The following LINGO2 variants were observed in gnomAD, a reference collection of about 807,000 sequenced individuals.
LINGO2 encodes the protein leucine-rich repeat and immunoglobulin-like domain-containing nogo receptor-interacting protein 2.
A neutral mutation model predicts 30.6 loss-of-function variants in LINGO2; 14 were observed. That is an observed-to-expected ratio of 0.46 (90% CI 0.30 to 0.72). The LOEUF is 0.72. Among genes scored for constraint, LINGO2 ranks in the 30% least tolerant of loss-of-function variants. The probability of loss-of-function intolerance (pLI) is 0.07; values close to 1 mark genes in which losing one functional copy is unlikely to be tolerated. For missense variants in LINGO2, 729 were observed against 751.7 expected (o/e 0.97, Z 0.35); for synonymous variants, 317 against 288.5 (o/e 1.10, Z -1.00).
chr9:29,048,924 T>C, the LINGO2 span, among the ~76,000 whole-genome samples: 1 of 152,046 alleles, frequency 6.6e-6, no homozygotes, highest in South Asian at 2.1e-4. Context: ...TCTTAAGCAA[T>C]ACCCTGTAAG....
At chr9:28,673,820 C>A (rs944277465), upstream of LINGO2, among the ~76,000 whole-genome samples, 1 of 151,836 alleles carries the variant, frequency 6.6e-6, no homozygotes, top group African/African-American at 2.4e-5. Flanking sequence ...GAAGCAATAC[C>A]CTCAATACTT....
intron 1 of LINGO2, among the ~76,000 whole-genome samples, chr9:28,527,570 T>A (rs1488646742): frequency 1.3e-5 from 2 of 152,128 alleles, no homozygotes; most frequent in African/African-American, 4.8e-5. Flanking sequence ...TCTCTCTAAG[T>A]GTCAAGGAAA....
chr9:28,191,990 G>A (rs7867689), intron 4 of LINGO2, among the ~76,000 whole-genome samples: 108,454 of 151,770 alleles, frequency 0.71, 38,935 homozygotes, highest in Admixed American at 0.77. Flanking sequence ...GTTTATATCC[G>A]TCCTTGGCCT....
chr9:28,441,644 T>C lies in LINGO2; in HGVS notation c.-279+34296A>G, dbSNP rs77160551. Among the ~76,000 whole-genome samples the C allele has an allele frequency of 8.2e-3, 1,248 of 152,302 alleles. 18 individuals carry two copies. Among genetic ancestry groups the C allele is most frequent in the African/African-American group, 0.027 (1,115 of 41,568 alleles). On this transcript the variant is annotated intron_variant, in intron 2 of 5. Transcript: ENST00000379992. The stretch of plus-strand genomic sequence containing the variant: ...GGGACTTTGACATCTTATAAGGGCA[T>C]TGATTTTCTTCTTTTACATCATGCA...
the LINGO2 span, among the ~76,000 whole-genome samples, chr9:28,902,585 T>C: frequency 6.6e-6 from 1 of 152,234 alleles, no homozygotes; most frequent in East Asian, 1.9e-4. Context: ...AGAATAAATG[T>C]TCTTCTCAAA....
the LINGO2 span, among the ~76,000 whole-genome samples, chr9:28,777,152 G>A: frequency 6.6e-6 from 1 of 152,104 alleles, no homozygotes; most frequent in Non-Finnish European, 1.5e-5. Context: ...CTGTGGAACT[G>A]TGAGTCAATT....
At chr9:27,950,015 A>G (rs769348750) in exon 6 of LINGO2, 5 of 1,614,106 alleles carry the variant, frequency 3.1e-6, no homozygotes, top group Non-Finnish European at 4.2e-6. Context: ...TTTTAAAGGC[A>G]TACACAGGCA....
chr9:28,237,117 CGG>C lies in LINGO2; in HGVS notation c.-87+58089_-87+58090del, dbSNP rs35883848. Among the ~76,000 whole-genome samples the C allele has an allele frequency of 1.2e-4, 14 of 112,842 alleles. 1 individual carries two copies. The highest frequency in any genetic ancestry group is 2.9e-4 in the South Asian group (1 of 3,486). The allele number at this position is 112,842 out of a possible 152,430, so 74.0% of individuals were successfully genotyped here. A position where few individuals can be genotyped will look rare whatever the true frequency, so the allele number is the denominator to read the frequency against. ...AGAGAAACAAAATAGTTAAACAGTGCGGGGGGGGGGTAAAGTTAAATGTAGGA... is the reference window on the plus strand; with the variant it reads ...AGAGAAACAAAATAGTTAAACAGTGCGGGGGGGGTAAAGTTAAATGTAGGA... On this transcript the variant is annotated intron_variant, in intron 4 of 5. Coordinates refer to ENST00000379992, the Ensembl canonical transcript of LINGO2.
At chr9:28,110,804 C>G (rs148973119) in intron 4 of LINGO2, among the ~76,000 whole-genome samples, 44 of 152,260 alleles carry the variant, frequency 2.9e-4, no homozygotes, top group African/African-American at 1.1e-3. Flanking sequence ...TAAATTAGTT[C>G]ATCCATTTTG....
chr9:28,300,788 G>A (rs112159262), intron 3 of LINGO2, among the ~76,000 whole-genome samples: 58 of 151,334 alleles, frequency 3.8e-4, no homozygotes, highest in African/African-American at 7.8e-4. Flanking sequence ...CACTTAGTTC[G>A]TGTTCAAGTA....
chr9:28,048,982 A>G (rs76819324), intron 4 of LINGO2, among the ~76,000 whole-genome samples: 4,251 of 151,112 alleles, frequency 0.028, 398 homozygotes, highest in African/African-American at 0.099. Flanking sequence ...TACTAATAGC[A>G]GTATTAGAAT....
intron 1 of LINGO2, among the ~76,000 whole-genome samples, chr9:28,483,392 G>C (rs951375664): frequency 6.6e-6 from 1 of 152,028 alleles, no homozygotes; most frequent in African/African-American, 2.4e-5. Flanking sequence ...GCAAGATATT[G>C]GTGTGACAGC....
the LINGO2 span, among the ~76,000 whole-genome samples, chr9:29,079,780 T>C: frequency 4.3e-4 from 62 of 144,874 alleles, 1 homozygote; most frequent in South Asian, 0.01. Flanking sequence ...TGTAGTGCAG[T>C]AAATAAGAAA....
chr9:28,230,867 C>T (rs546932971), intron 4 of LINGO2, among the ~76,000 whole-genome samples: 3 of 151,866 alleles, frequency 2.0e-5, no homozygotes, highest in South Asian at 4.1e-4. Flanking sequence ...TAAATGTTGA[C>T]GTCACAGTTT....
At chr9:28,102,161 C>T (rs1826436223) in intron 4 of LINGO2, among the ~76,000 whole-genome samples, 1 of 139,602 alleles carries the variant, frequency 7.2e-6, no homozygotes, top group Non-Finnish European at 1.5e-5. Context: ...TTAGAAGCAG[C>T]CCTGGGAAAG....
At chr9:28,264,083 A>C (rs1298740421) in intron 4 of LINGO2, among the ~76,000 whole-genome samples, 1 of 151,996 alleles carries the variant, frequency 6.6e-6, no homozygotes, top group East Asian at 1.9e-4. Flanking sequence ...AGACGAAAAA[A>C]TCTGTAGCCA....
intron 4 of LINGO2, among the ~76,000 whole-genome samples, chr9:28,100,084 T>A (rs1826365907): frequency 6.6e-6 from 1 of 152,214 alleles, no homozygotes; most frequent in Admixed American, 6.6e-5. Flanking sequence ...GTTTCAAATC[T>A]GTTTTCCCAT....
chr9:28,030,380 C>T (rs1019057796), intron 4 of LINGO2, among the ~76,000 whole-genome samples: 1 of 152,174 alleles, frequency 6.6e-6, no homozygotes, highest in Non-Finnish European at 1.5e-5. Flanking sequence ...AACAAGTCAA[C>T]ACCCTAAACT....
At chr9:28,308,580 C>T (rs4415407) in intron 3 of LINGO2, among the ~76,000 whole-genome samples, 86,888 of 134,578 alleles carry the variant, frequency 0.65, 28,580 homozygotes, top group Non-Finnish European at 0.7. Context: ...AATTGACAAA[C>T]GGGATCTCAT....
Sources: gnomAD v4.1 joint callset for allele counts (sites outside exome capture counted in the v4.1 genomes callset) on GRCh38, gnomAD v4.1.1 for gene constraint, MANE v1.5 for transcripts, NCBI Gene and HGNC (gene_info 2026-07-23, HGNC 2026-07-21) for gene names.